FNDC3B: variants seen among roughly 807,000 people sequenced by gnomAD.
The protein encoded by FNDC3B is fibronectin type III domain containing 3B.
In FNDC3B, 12 loss-of-function variants were observed where a neutral mutation model predicts 151.5. The ratio of observed to expected loss-of-function variants is 0.08; its 90% CI spans 0.05 to 0.13. The LOEUF is 0.13. Among genes scored for constraint, FNDC3B ranks in the 10% least tolerant of loss-of-function variants. The probability of loss-of-function intolerance (pLI) is 1.00; values close to 1 mark genes in which losing one functional copy is unlikely to be tolerated. For synonymous variants in FNDC3B, 528 were observed against 549.0 expected (o/e 0.96, Z 0.54); for missense variants, 1,214 against 1,505.3 (o/e 0.81, Z 3.20).
chr3:172,378,476 G>A, intron 24 of FNDC3B, 40 bp downstream of exon 24: 3 of 1,513,010 alleles, frequency 2.0e-6, no homozygotes, highest in Admixed American at 2.2e-5. Context: ...TCTTGTGAGA[G>A]TAAGGAACTG....
chr3:172,085,198 A>C (rs142962905), intron 1 of FNDC3B, among the ~76,000 whole-genome samples: 6 of 152,360 alleles, frequency 3.9e-5, no homozygotes, highest in Admixed American at 6.5e-5. Context: ...GCTGGGCTTC[A>C]GGATATGGCC....
chr3:172,193,622 T>C (rs781718209), intron 3 of FNDC3B, among the ~76,000 whole-genome samples: 4 of 151,572 alleles, frequency 2.6e-5, no homozygotes, highest in Non-Finnish European at 4.4e-5. Flanking sequence ...CCACTACTGC[T>C]GGACTTTGTC....
Position 172,295,577 on chromosome 3 carries a change from A to T in FNDC3B, c.1001+63A>T. 3.3e-6 allele frequency: 5 copies of T among 1,527,136 alleles called. No individual in the cohort carries two copies. In the South Asian group the frequency reaches 3.6e-5, roughly 11 times the overall value. The allele number at this position is 1,527,136 out of a possible 1,614,324, so 94.6% of individuals were successfully genotyped here. A position where few individuals can be genotyped will look rare whatever the true frequency, so the allele number is the denominator to read the frequency against. On this transcript the variant is annotated intron_variant, in intron 8 of 25. Transcript: ENST00000415807. ...CTGTAAAATTGGAGTTGTGAAGGAAAATGGAAAACAAAGGAAAACCTTATA... is the reference window on the plus strand; with the variant it reads ...CTGTAAAATTGGAGTTGTGAAGGAATATGGAAAACAAAGGAAAACCTTATA...
intron 3 of FNDC3B, among the ~76,000 whole-genome samples, chr3:172,177,626 C>CGTTTTTTTTTTTTT (rs1723666588): frequency 1.2e-5 from 1 of 84,820 alleles, no homozygotes. Flanking sequence ...TTACCACCAT[C>CGTTTTTTTTTTTTT]TTTTTTTTTT....
At chr3:172,261,193 A>G (rs961483644) in intron 6 of FNDC3B, among the ~76,000 whole-genome samples, 1 of 152,158 alleles carries the variant, frequency 6.6e-6, no homozygotes, top group Admixed American at 6.5e-5. Context: ...ACTAGGTTTA[A>G]GTAGATCATG....
intron 4 of FNDC3B, among the ~76,000 whole-genome samples, chr3:172,233,950 A>G (rs1727014117): frequency 6.6e-6 from 1 of 152,204 alleles, no homozygotes; most frequent in African/African-American, 2.4e-5. Flanking sequence ...GATTTGAAGC[A>G]ATTTTATTTT....
intron 3 of FNDC3B, among the ~76,000 whole-genome samples, chr3:172,185,701 A>G (rs1000124244): frequency 2.0e-5 from 3 of 152,214 alleles, no homozygotes; most frequent in Admixed American, 6.5e-5. Flanking sequence ...AGGAAAATTT[A>G]CTGTTGCCAG....
intron 6 of FNDC3B, among the ~76,000 whole-genome samples, chr3:172,278,755 C>T (rs554864334): frequency 3.3e-5 from 5 of 152,040 alleles, no homozygotes; most frequent in South Asian, 2.1e-4. Flanking sequence ...GGTGAAACCC[C>T]GTCTCTACTA....
chr3:172,053,776 CAAAAAAA>C (rs562005467), intron 1 of FNDC3B, among the ~76,000 whole-genome samples: 2 of 113,374 alleles, frequency 1.8e-5, no homozygotes, highest in African/African-American at 7.1e-5. Flanking sequence ...AACTCCGTCT[CAAAAAAA>C]AAAAAAAAAA....
At chr3:172,110,929 T>G (rs1719928581) in intron 1 of FNDC3B, among the ~76,000 whole-genome samples, 1 of 151,980 alleles carries the variant, frequency 6.6e-6, no homozygotes. Context: ...CGAAACCCTG[T>G]CTCTACTAAA....
intron 3 of FNDC3B, among the ~76,000 whole-genome samples, chr3:172,224,831 G>C (rs1250944882): frequency 6.6e-6 from 1 of 152,196 alleles, no homozygotes; most frequent in Non-Finnish European, 1.5e-5. Flanking sequence ...CCAGGAAGTC[G>C]CATCTCAGAC....
intron 10 of FNDC3B, among the ~76,000 whole-genome samples, chr3:172,307,891 T>C (rs1359492371): frequency 1.3e-5 from 2 of 152,332 alleles, no homozygotes; most frequent in East Asian, 3.9e-4. Context: ...AGCAGTATTT[T>C]CTAAATGTCT....
chr3:172,088,172 A>T (rs1718646382), intron 1 of FNDC3B, among the ~76,000 whole-genome samples: 1 of 152,196 alleles, frequency 6.6e-6, no homozygotes, highest in African/African-American at 2.4e-5. Flanking sequence ...TTATGTGGCT[A>T]AACAAGGTAC....
rs1404703628 is a variant in FNDC3B at position 172,129,792 on chromosome 3, C to G, written c.112-3679C>G. On this transcript the variant is annotated intron_variant, in intron 2 of 25. Transcript: ENST00000415807. ...TAAGATCTCTGGAGAAAAAAAATAT[C>G]TAGTTAAAATCTTTGTCTTTTTTTT... is the stretch of plus-strand genomic sequence containing the variant. Among the ~76,000 whole-genome samples, 3 of 149,894 alleles carry G rather than the reference C, an allele frequency of 2.0e-5. No individual in the cohort carries two copies. The East Asian group carries it at 5.9e-4, about 30-fold the overall frequency.
chr3:172,259,336 C>T (rs545244872), intron 6 of FNDC3B, among the ~76,000 whole-genome samples: 2 of 152,258 alleles, frequency 1.3e-5, no homozygotes, highest in East Asian at 1.9e-4. Context: ...CAATTAACAT[C>T]GCCACTTCCA....
At chr3:172,383,598 G>T (rs1735562392) in intron 25 of FNDC3B, among the ~76,000 whole-genome samples, 1 of 151,486 alleles carries the variant, frequency 6.6e-6, no homozygotes, top group African/African-American at 2.4e-5. Flanking sequence ...TTCTGACCTG[G>T]TAGGTCTTGG....
intron 23 of FNDC3B, among the ~76,000 whole-genome samples, chr3:172,366,214 A>T (rs1734612705): frequency 6.6e-6 from 1 of 152,242 alleles, no homozygotes; most frequent in African/African-American, 2.4e-5. Context: ...CTCTCAGAAA[A>T]TTTGAAATGA....
At chr3:172,211,894 A>G (rs548387941) in intron 3 of FNDC3B, among the ~76,000 whole-genome samples, 1 of 152,366 alleles carries the variant, frequency 6.6e-6, no homozygotes, top group East Asian at 1.9e-4. Context: ...GAGAATTCCA[A>G]TTCTTTGATC....
intron 2 of FNDC3B, chr3:172,127,095 G>C (rs1037095413): frequency 2.2e-6 from 1 of 456,026 alleles, no homozygotes; most frequent in African/African-American, 2.0e-5. Context: ...TCGAGAGCAT[G>C]AAACATGGCA....
Sources: allele counts gnomAD v4.1 joint callset (sites outside exome capture counted in the v4.1 genomes callset), GRCh38; gene constraint gnomAD v4.1.1; transcripts MANE v1.5; gene names NCBI Gene and HGNC (gene_info 2026-07-23, HGNC 2026-07-21).